Variants in WLS observed in about 807,000 individuals in gnomAD.
WLS encodes Wnt ligand secretion mediator.
In WLS, 23 loss-of-function variants were observed where a neutral mutation model predicts 62.8. That is an observed-to-expected ratio of 0.37 (90% confidence interval 0.26 to 0.52). WLS has a LOEUF of 0.52. Ranked by LOEUF, WLS falls within the 20% of genes least tolerant of loss-of-function variation. The pLI is 0.92. For synonymous variants in WLS, 246 were observed against 244.1 expected (o/e 1.01, Z -0.07); for missense variants, 615 against 697.3 (o/e 0.88, Z 1.33).
chr1:68,177,441 G>T (rs1293895807), intron 2 of WLS, among the ~76,000 whole-genome samples: 1 of 152,172 alleles, frequency 6.6e-6, no homozygotes, highest in African/African-American at 2.4e-5. Context: ...ACTCAGCCCT[G>T]CCACCTATGT....
chr1:68,187,235 C>T (rs1000025161), intron 2 of WLS, among the ~76,000 whole-genome samples: 1 of 137,080 alleles, frequency 7.3e-6, no homozygotes, highest in Non-Finnish European at 1.5e-5. Flanking sequence ...TGTGTTGCTG[C>T]TACTCATGAA....
At chr1:68,228,265 A>G (rs1238874909) in intron 1 of WLS, 2 of 443,716 alleles carry the variant, frequency 4.5e-6, no homozygotes, top group Admixed American at 5.1e-5. Context: ...GCTGAAAACA[A>G]TGCAACAATT....
chr1:68,164,789 C>T (rs1351485375), intron 2 of WLS, among the ~76,000 whole-genome samples: 1 of 152,160 alleles, frequency 6.6e-6, no homozygotes, highest in African/African-American at 2.4e-5. Context: ...CCTCAGTTCT[C>T]CCACATCTTC....
Position 68,102,356 on chromosome 1 carries a change from T to C in WLS, c.1511-3603A>G, listed in dbSNP as rs138281541. On this transcript the variant is annotated intron_variant, in intron 11 of 11. Coordinates refer to the WLS transcript ENST00000354777. Reference sequence around the variant, plus strand: ...TTGTTTAGGCTGACTGTGAGACAATTTTTTCATTGCTTCTGCTTTCCTATG... The same window carrying C: ...TTGTTTAGGCTGACTGTGAGACAATCTTTTCATTGCTTCTGCTTTCCTATG... Among the ~76,000 whole-genome samples the C allele has an allele frequency of 2.8e-3, 422 of 152,252 alleles. 4 individuals carry two copies. Among genetic ancestry groups the C allele is most frequent in the South Asian group, 0.027 (128 of 4,812 alleles).
At chr1:68,116,697 T>C (rs1052516434) in intron 11 of WLS, among the ~76,000 whole-genome samples, 1 of 152,224 alleles carries the variant, frequency 6.6e-6, no homozygotes, top group Admixed American at 6.5e-5. Context: ...GGCAGGAGTC[T>C]TTGTCTATGT....
intron 11 of WLS, among the ~76,000 whole-genome samples, chr1:68,112,150 A>C (rs1646236238): frequency 6.6e-6 from 1 of 152,236 alleles, no homozygotes; most frequent in Non-Finnish European, 1.5e-5. Context: ...ACAGAGAAGA[A>C]GTCCCTCTGG....
chr1:68,155,357 G>T, intron 3 of WLS, 97 bp from the exon 4 acceptor site: 2 of 1,399,782 alleles, frequency 1.4e-6, no homozygotes, highest in Non-Finnish European at 9.6e-7. Flanking sequence ...ATTGTAAGCA[G>T]CTAATGCTTA....
At chr1:68,183,858 A>G (rs1195418424) in intron 2 of WLS, among the ~76,000 whole-genome samples, 1 of 152,160 alleles carries the variant, frequency 6.6e-6, no homozygotes, top group Non-Finnish European at 1.5e-5. Flanking sequence ...TTTGTTATAC[A>G]GAAATGCTTT....
At chr1:68,165,397 AC>A (rs1331723130) in intron 2 of WLS, among the ~76,000 whole-genome samples, 2 of 151,676 alleles carry the variant, frequency 1.3e-5, no homozygotes, top group Non-Finnish European at 2.9e-5. Flanking sequence ...GAGCCTACAG[AC>A]CCCCTCACTT....
At position 68,134,528 on chromosome 1, in the gene WLS, G is replaced by A. The variant is rs1265369264; in HGVS notation, c.1516+3252C>T. ...ATTGCCTGAAGAATGTTTTTTCACA[G>A]AGGGTCTACTTGGCATTTCACAGGC... is the stretch of plus-strand genomic sequence containing the variant. On this transcript the variant is annotated intron_variant, in intron 11 of 11. Transcript: ENST00000262348. 3.9e-5 allele frequency among the ~76,000 whole-genome samples: 6 copies of A among 152,304 alleles called. 1 individual carries two copies. In the East Asian group the frequency reaches 7.7e-4, roughly 20 times the overall value.
In WLS at chr1:68,126,280, A is replaced by G. The variant is rs1646429660; in HGVS notation, c.1572T>C (p.His524=). 3.7e-6 allele frequency: 6 copies of G among 1,613,864 alleles called. No homozygotes were observed. The highest frequency in any genetic ancestry group is 1.1e-5 in the South Asian group (1 of 91,062). ...TGTAGATCTCAGTGGGTCCGTCCAC[A>G]TGGGTGATAGTGGTGGTGAGCTGGA... ...EELQLTTTIT[H]VDGPTEIYKL... is the part of the protein sequence containing the mutation. The change falls in exon 12 of 12, where the codon CAT becomes CAC. Residue 524 remains histidine (H), a synonymous_variant. Coordinates refer to ENST00000262348, the MANE Select transcript of WLS (RefSeq NM_024911.7).
chr1:68,204,403 T>C (rs903977175), intron 1 of WLS, among the ~76,000 whole-genome samples: 1 of 152,038 alleles, frequency 6.6e-6, no homozygotes, highest in Admixed American at 6.6e-5. Context: ...CACTGCAAGC[T>C]CCGCCTCCCG....
intron 11 of WLS, among the ~76,000 whole-genome samples, chr1:68,112,560 T>A (rs1213473449): frequency 1.3e-5 from 2 of 152,202 alleles, no homozygotes; most frequent in Non-Finnish European, 2.9e-5. Context: ...ATAATGCTTG[T>A]GAAGTTGCAT....
rs186005894 is a variant in WLS at position 68,100,945 on chromosome 1, C to T, written c.1511-2192G>A. Reference sequence around the variant, plus strand: ...TTGCTTTACTATGTATGCGAGCATCCCCCACTTCCTAAATATTTATTGCCC... The same window carrying T: ...TTGCTTTACTATGTATGCGAGCATCTCCCACTTCCTAAATATTTATTGCCC... On this transcript the variant is annotated intron_variant, in intron 11 of 11. Transcript: ENST00000354777. Among the ~76,000 whole-genome samples the T allele has an allele frequency of 2.9e-3, 443 of 152,214 alleles. 3 individuals carry two copies. The highest frequency in any genetic ancestry group is 0.01 in the African/African-American group (420 of 41,546).
At chr1:68,215,841 C>T (rs969997406) in intron 1 of WLS, among the ~76,000 whole-genome samples, 11 of 152,202 alleles carry the variant, frequency 7.2e-5, no homozygotes, top group Non-Finnish European at 1.6e-4. Context: ...TAGCATCATT[C>T]ACTAACTAAA....
chr1:68,104,600 CCTT>C (rs1480061359), intron 11 of WLS, among the ~76,000 whole-genome samples: 1 of 152,150 alleles, frequency 6.6e-6, no homozygotes, highest in African/African-American at 2.4e-5. Flanking sequence ...TGTGAGTTCA[CCTT>C]CTGTATTTTA....
chr1:68,099,263 G>GAT (rs1355967891), intron 11 of WLS, among the ~76,000 whole-genome samples: 9 of 152,214 alleles, frequency 5.9e-5, no homozygotes, highest in Admixed American at 5.2e-4. Flanking sequence ...ACTGCAAAGA[G>GAT]ATATACTCAG....
chr1:68,141,132 T>C (rs1261793181), intron 10 of WLS, among the ~76,000 whole-genome samples: 1 of 152,196 alleles, frequency 6.6e-6, no homozygotes, highest in Non-Finnish European at 1.5e-5. Flanking sequence ...AGGTCAAATC[T>C]CTTTACACCC....
chr1:68,191,868 C>T (rs764544708), intron 2 of WLS, among the ~76,000 whole-genome samples: 4 of 152,084 alleles, frequency 2.6e-5, no homozygotes, highest in African/African-American at 9.7e-5. Context: ...TAACATTCAC[C>T]TCAAAGAGCT....
Sources: allele counts gnomAD v4.1 joint callset (sites outside exome capture counted in the v4.1 genomes callset), GRCh38; gene constraint gnomAD v4.1.1; transcripts MANE v1.5; gene names NCBI Gene and HGNC (gene_info 2026-07-23, HGNC 2026-07-21).